Variants in MYT1L observed in about 807,000 individuals in gnomAD.
MYT1L encodes the protein myelin transcription factor 1-like protein.
A neutral mutation model predicts 126.7 loss-of-function variants in MYT1L; 12 were observed. That is an observed-to-expected ratio of 0.09 (90% CI 0.06 to 0.15). The LOEUF is 0.15. Ranked by LOEUF, MYT1L falls within the 10% of genes least tolerant of loss-of-function variation. MYT1L has a pLI of 1.00. For synonymous variants in MYT1L, 541 were observed against 604.2 expected (o/e 0.90, Z 1.53); for missense variants, 979 against 1,585.2 (o/e 0.62, Z 6.49).
rs1321418446 is a variant in MYT1L at position 2,236,814 on chromosome 2, CTTTTT to C, written c.-421+47585_-421+47589del. On this transcript the variant is annotated intron_variant, in intron 2 of 24. Coordinates refer to ENST00000647738, the MANE Select transcript of MYT1L (RefSeq NM_001303052.2). ...TCTTCTTCTTCTTCTTCTTCTTCTT[CTTTTT>C]TTTTTTTTTTTTTGATGGAGTTTCG... Among the ~76,000 whole-genome samples, 3 of 7,068 alleles carry C rather than the reference CTTTTT, an allele frequency of 4.2e-4. No individual in the cohort carries two copies. The East Asian group carries it at 7.9e-3, about 19-fold the overall frequency. 4.6% of individuals were successfully genotyped at this position (7,068 alleles called of 152,430 possible). A position where few individuals can be genotyped will look rare whatever the true frequency, so the allele number is the denominator to read the frequency against.
chr2:1,791,765 A>T lies in MYT1L; in HGVS notation c.*102T>A. 1 of 1,201,018 alleles carries T rather than the reference A, an allele frequency of 8.3e-7. No homozygotes were observed. The allele number at this position is 1,201,018 out of a possible 1,614,324, so 74.4% of individuals were successfully genotyped here. On this transcript the variant is annotated 3_prime_UTR_variant, in exon 25 of 25. Transcript: ENST00000647738. The surrounding 1 kb of genome is among the most constrained non-coding windows in gnomAD (Gnocchi z 6.0). ...GTCTTGTAAGCATAACACTGTTTCA[A>T]ATTCAAACAGAAATAAATATAGAAC...
intron 3 of MYT1L, among the ~76,000 whole-genome samples, chr2:2,123,618 C>T (rs982724386): frequency 6.6e-6 from 1 of 152,194 alleles, no homozygotes; most frequent in African/African-American, 2.4e-5. Flanking sequence ...TCCCCTTTGC[C>T]TCCCGCCATG....
Position 1,887,915 on chromosome 2 carries a change from C to A in MYT1L, c.2521-306G>T, listed in dbSNP as rs2048354993. On this transcript the variant is annotated intron_variant, in intron 16 of 24. Transcript: ENST00000647738. This position sits in a 1 kb window ranked among gnomAD's most constrained non-coding sequence, Gnocchi z 4.8. ...AGCCAGAGACTACATTTAACTTGGT[C>A]TTCCTCATCCAGCATTCAGCACACA... is the stretch of plus-strand genomic sequence containing the variant. 6.6e-6 allele frequency among the ~76,000 whole-genome samples: 1 copy of A among 152,178 alleles called. No individual in the cohort carries two copies. The highest frequency in any genetic ancestry group is 2.4e-5 in the African/African-American group (1 of 41,442).
intron 19 of MYT1L, among the ~76,000 whole-genome samples, chr2:1,843,882 T>G (rs533975044): frequency 2.0e-5 from 3 of 152,106 alleles, no homozygotes; most frequent in Non-Finnish European, 4.4e-5. Context: ...ACAGAACAAA[T>G]CTGCAACAAG....
intron 3 of MYT1L, among the ~76,000 whole-genome samples, chr2:2,075,297 C>G (rs929957984): frequency 1.4e-4 from 22 of 152,126 alleles, no homozygotes; most frequent in African/African-American, 4.6e-4. Flanking sequence ...TTTTGTGGGT[C>G]TTTCTTTTGA....
At position 1,943,366 on chromosome 2, in the gene MYT1L, G is replaced by A. The variant is rs1311654883; in HGVS notation, c.153-32C>T. The A allele has an allele frequency of 1.0e-5, 15 of 1,495,940 alleles. No homozygotes were observed. In the Admixed American group the frequency reaches 2.0e-4, roughly 20 times the overall value. The allele number at this position is 1,495,940 out of a possible 1,614,324, so 92.7% of individuals were successfully genotyped here. On this transcript the variant is annotated intron_variant, in intron 8 of 24. Coordinates refer to ENST00000647738, the MANE Select transcript of MYT1L (RefSeq NM_001303052.2). The surrounding 1 kb of genome is among the most constrained non-coding windows in gnomAD (Gnocchi z 4.4). Reference sequence around the variant, plus strand: ...AAAAAAATAGAGAAGGCAGGGGAGAGAGAGAAAAAAAATATCTGTGTTACT... The same window carrying A: ...AAAAAAATAGAGAAGGCAGGGGAGAAAGAGAAAAAAAATATCTGTGTTACT...
intron 13 of MYT1L, among the ~76,000 whole-genome samples, chr2:1,904,073 T>C (rs2050718411): frequency 6.6e-6 from 1 of 152,350 alleles, no homozygotes; most frequent in South Asian, 2.1e-4. Flanking sequence ...CTTTACACCC[T>C]GACACCAAAT....
chr2:2,280,728 A>G (rs571163157), intron 2 of MYT1L, among the ~76,000 whole-genome samples: 134 of 152,320 alleles, frequency 8.8e-4, no homozygotes, highest in African/African-American at 3.1e-3. Context: ...AGACCCCATC[A>G]GGAGGTGGAG....
At chr2:2,204,005 T>C (rs887564540) in intron 2 of MYT1L, among the ~76,000 whole-genome samples, 12 of 152,118 alleles carry the variant, frequency 7.9e-5, no homozygotes, top group Non-Finnish European at 1.3e-4. Context: ...AAACAAGAAA[T>C]GGGGAAGGCA....
intron 3 of MYT1L, among the ~76,000 whole-genome samples, chr2:2,138,515 C>T (rs375423233): frequency 2.7e-5 from 4 of 145,852 alleles, no homozygotes; most frequent in Non-Finnish European, 3.0e-5. Flanking sequence ...TATGCAGCCA[C>T]AAAAAATGAT....
intron 2 of MYT1L, among the ~76,000 whole-genome samples, chr2:2,261,143 G>A (rs551752041): frequency 0.021 from 828 of 38,842 alleles, 5 homozygotes; most frequent in African/African-American, 0.064. Flanking sequence ...GTGTGAGTGC[G>A]TGTGTGTGTG....
chr2:2,005,832 C>A (rs1200923273), intron 4 of MYT1L, among the ~76,000 whole-genome samples: 2 of 145,864 alleles, frequency 1.4e-5, no homozygotes, highest in Non-Finnish European at 3.0e-5. Flanking sequence ...TTCCTGCATG[C>A]CTTCTTTCCT....
rs140199047 is a variant in MYT1L at position 2,287,801 on chromosome 2, G to T, written c.-520-3298C>A. On this transcript the variant is annotated intron_variant, in intron 1 of 24. Transcript: ENST00000647738. ...GGATATCACCACGTTTTAGGCAGAA[G>T]AGAAGCACTTGCCTTGCCATGGAAA... 3.5e-3 allele frequency among the ~76,000 whole-genome samples: 535 copies of T among 152,304 alleles called. 2 individuals are homozygous for T. The highest frequency in any genetic ancestry group is 0.012 in the African/African-American group (481 of 41,564).
At position 1,811,870 on chromosome 2, in the gene MYT1L, C is replaced by T. The variant is rs975449533; in HGVS notation, c.3081-2703G>A. Among the ~76,000 whole-genome samples the T allele has an allele frequency of 1.3e-5, 2 of 152,208 alleles. No homozygotes were observed. Among genetic ancestry groups the T allele is most frequent in the Non-Finnish European group, 2.9e-5 (2 of 68,042 alleles). On this transcript the variant is annotated intron_variant, in intron 21 of 24. Transcript: ENST00000647738. The surrounding 1 kb of genome is among the most constrained non-coding windows in gnomAD (Gnocchi z 4.4). ...CTTCTCCTGCCTCCCCATCAGATCC[C>T]AGCAGGACGCCCTGCAAATCCGGCT...
intron 2 of MYT1L, among the ~76,000 whole-genome samples, chr2:2,198,764 A>G (rs951374052): frequency 6.6e-6 from 1 of 152,130 alleles, no homozygotes; most frequent in Admixed American, 6.5e-5. Context: ...AGGCTGAGGC[A>G]GGAGAATCGC....
intron 4 of MYT1L, among the ~76,000 whole-genome samples, chr2:2,032,661 G>T (rs1412933950): frequency 7.3e-5 from 9 of 123,920 alleles, no homozygotes; most frequent in East Asian, 5.3e-4. Flanking sequence ...CTAGAAGGAG[G>T]GCCTTACACA....
intron 4 of MYT1L, among the ~76,000 whole-genome samples, chr2:2,042,493 T>A (rs1293354109): frequency 6.6e-6 from 1 of 152,226 alleles, no homozygotes; most frequent in Non-Finnish European, 1.5e-5. Context: ...GCTATGTGTA[T>A]TAAATTCAGT....
At chr2:1,891,796 G>T (rs2048915980) in intron 15 of MYT1L, among the ~76,000 whole-genome samples, 1 of 152,214 alleles carries the variant, frequency 6.6e-6, no homozygotes, top group African/African-American at 2.4e-5. Context: ...ATTCACGCAC[G>T]TTCATCTACA....
intron 1 of MYT1L, among the ~76,000 whole-genome samples, chr2:2,315,425 C>T (rs1437741619): frequency 1.3e-5 from 2 of 151,986 alleles, no homozygotes; most frequent in Non-Finnish European, 2.9e-5. Context: ...CAGTATATAT[C>T]CTAGATAGCC....
Sources: allele counts gnomAD v4.1 joint callset (sites outside exome capture counted in the v4.1 genomes callset), GRCh38; gene constraint gnomAD v4.1.1; non-coding constraint Gnocchi (gnomAD v3.1); transcripts MANE v1.5; gene names NCBI Gene and HGNC (gene_info 2026-07-23, HGNC 2026-07-21).